CECR2: variants seen among roughly 807,000 people sequenced by gnomAD.
CECR2 encodes the protein chromatin remodeling regulator CECR2.
CECR2 carries 30 observed loss-of-function variants against 154.5 expected under a neutral mutation model. The ratio of observed to expected loss-of-function variants is 0.19; its 90% confidence interval spans 0.15 to 0.26. The LOEUF is 0.26. Ranked by LOEUF, CECR2 falls within the 10% of genes least tolerant of loss-of-function variation. The pLI is 1.00. For missense variants in CECR2, 1,743 were observed against 1,829.3 expected (o/e 0.95, Z 0.86); for synonymous variants, 725 against 683.7 (o/e 1.06, Z -0.94).
chr22:17,461,464 C>A (rs2054936643), intron 1 of CECR2, among the ~76,000 whole-genome samples: 1 of 152,230 alleles, frequency 6.6e-6, no homozygotes, highest in African/African-American at 2.4e-5. Context: ...CCCACCCCAT[C>A]TGTACTTCCT....
chr22:17,429,475 T>C (rs1474729527), intron 1 of CECR2, among the ~76,000 whole-genome samples: 1 of 147,264 alleles, frequency 6.8e-6, no homozygotes, highest in African/African-American at 2.6e-5. Flanking sequence ...GCCGAGGTAG[T>C]CGGATCGCTT....
rs869050391 is a variant in CECR2 at position 17,482,115 on chromosome 22, CAAAAAAAAAAAAA to C, written c.221+4447_221+4459del. ...GGGTGACAGATCGAGACTCTGTCTCCAAAAAAAAAAAAAAAAAAAAAAAAAAGGGCGTGGCATG... is the reference window on the plus strand; with the variant it reads ...GGGTGACAGATCGAGACTCTGTCTCCAAAAAAAAAAAAAGGGCGTGGCATG... On this transcript the variant is annotated intron_variant, in intron 2 of 18. Transcript: ENST00000262608. 1.9e-3 allele frequency among the ~76,000 whole-genome samples: 143 copies of C among 76,308 alleles called. 2 individuals carry two copies. Among genetic ancestry groups the C allele is most frequent in the Non-Finnish European group, 1.5e-3 (60 of 39,812 alleles). 50.1% of individuals were successfully genotyped at this position (76,308 alleles called of 152,430 possible). A position where few individuals can be genotyped will look rare whatever the true frequency, so the allele number is the denominator to read the frequency against.
intron 1 of CECR2, among the ~76,000 whole-genome samples, chr22:17,377,680 A>T (rs372351383): frequency 4.6e-5 from 7 of 152,306 alleles, no homozygotes; most frequent in African/African-American, 1.7e-4. Context: ...TAACCTTTTC[A>T]GATGGCTGCT....
chr22:17,527,533 G>A lies in CECR2; in HGVS notation c.1108+3262G>A, dbSNP rs140067529. 6.4e-3 allele frequency among the ~76,000 whole-genome samples: 972 copies of A among 152,162 alleles called. 11 individuals are homozygous for A. The highest frequency in any genetic ancestry group is 0.022 in the African/African-American group (927 of 41,510). On this transcript the variant is annotated intron_variant, in intron 9 of 18. Transcript: ENST00000262608. ...TGTAATCCCAGCACTTTGGGAGGCC[G>A]AGGCGGGCAGATGACTTGAGATCAG...
At chr22:17,461,335 A>G (rs1225352264) in intron 1 of CECR2, among the ~76,000 whole-genome samples, 1 of 152,150 alleles carries the variant, frequency 6.6e-6, no homozygotes, top group Non-Finnish European at 1.5e-5. Flanking sequence ...TATTTCCTTT[A>G]TCCTCTTTTA....
chr22:17,516,284 TA>T (rs1241529701), intron 8 of CECR2, among the ~76,000 whole-genome samples: 2 of 150,750 alleles, frequency 1.3e-5, no homozygotes, highest in Middle Eastern at 3.4e-3. Flanking sequence ...TTTATTATAT[TA>T]TATGTGTATA....
Position 17,553,728 on chromosome 22 carries a change from C to T in CECR2, c.*888C>T, listed in dbSNP as rs2056742859. The T allele has an allele frequency of 6.6e-6, 1 of 152,138 alleles. No individual in the cohort carries two copies. The allele number at this position is 152,138 out of a possible 1,614,324, so 9.4% of individuals were successfully genotyped here. On this transcript the variant is annotated 3_prime_UTR_variant, in exon 19 of 19. Coordinates refer to ENST00000262608, the MANE Select transcript of CECR2 (RefSeq NM_001290047.2). ...TGTCCCTTCCTGATTTTGCCACCAGCCCTACCGAATAGTTGTAAACCAGTA... is the reference window on the plus strand; with the variant it reads ...TGTCCCTTCCTGATTTTGCCACCAGTCCTACCGAATAGTTGTAAACCAGTA...
intron 7 of CECR2, among the ~76,000 whole-genome samples, chr22:17,509,786 A>T (rs1374788814): frequency 7.2e-5 from 11 of 152,160 alleles, no homozygotes; most frequent in Admixed American, 6.5e-5. Context: ...TTGATGAGAA[A>T]CCTTGATAGA....
At chr22:17,401,857 T>A (rs900078371) in intron 1 of CECR2, among the ~76,000 whole-genome samples, 8 of 144,852 alleles carry the variant, frequency 5.5e-5, no homozygotes, top group Non-Finnish European at 7.5e-5. Flanking sequence ...GCCTTTTTTT[T>A]AACAGATGGG....
At chr22:17,486,904 G>A (rs1168984626) in intron 2 of CECR2, among the ~76,000 whole-genome samples, 9 of 152,078 alleles carry the variant, frequency 5.9e-5, no homozygotes, top group South Asian at 2.1e-4. Flanking sequence ...CCTCACCAGC[G>A]TTTCATTCCG....
chr22:17,530,996 A>G (rs973456036), intron 9 of CECR2, among the ~76,000 whole-genome samples: 1 of 152,190 alleles, frequency 6.6e-6, no homozygotes, highest in Non-Finnish European at 1.5e-5. Flanking sequence ...ATGGCGCCAC[A>G]ACATTACTTA....
chr22:17,458,868 G>A (rs546322904), intron 1 of CECR2, among the ~76,000 whole-genome samples: 1 of 152,212 alleles, frequency 6.6e-6, no homozygotes, highest in South Asian at 2.1e-4. Context: ...TAGGTACTTA[G>A]TTTTAAAATA....
At chr22:17,387,253 C>G (rs1027775043) in intron 1 of CECR2, among the ~76,000 whole-genome samples, 22 of 152,326 alleles carry the variant, frequency 1.4e-4, no homozygotes, top group African/African-American at 4.3e-4. Flanking sequence ...GGTTATCTGG[C>G]AGCTGTACCT....
intron 16 of CECR2, among the ~76,000 whole-genome samples, chr22:17,546,166 A>G (rs1352824619): frequency 6.6e-6 from 1 of 152,170 alleles, no homozygotes; most frequent in Non-Finnish European, 1.5e-5. Context: ...ATTGATTTCA[A>G]GTGAGTTCTG....
At chr22:17,469,766 GCA>G (rs2055094151) in intron 1 of CECR2, among the ~76,000 whole-genome samples, 3 of 152,184 alleles carry the variant, frequency 2.0e-5, no homozygotes, top group Non-Finnish European at 4.4e-5. Context: ...GCGGTGACCT[GCA>G]TGTTGCTGGA....
intron 2 of CECR2, among the ~76,000 whole-genome samples, chr22:17,488,823 G>T (rs999720689): frequency 1.3e-5 from 2 of 152,100 alleles, no homozygotes; most frequent in African/African-American, 2.4e-5. Context: ...GGAATTGCTG[G>T]CGGGTCACAT....
At chr22:17,374,920 A>T (rs2063099954) in intron 1 of CECR2, among the ~76,000 whole-genome samples, 1 of 151,874 alleles carries the variant, frequency 6.6e-6, no homozygotes, top group Non-Finnish European at 1.5e-5. Flanking sequence ...GCCTGTTTCT[A>T]CCACATCGCA....
At chr22:17,381,680 A>G (rs1482026409) in intron 1 of CECR2, among the ~76,000 whole-genome samples, 2 of 152,062 alleles carry the variant, frequency 1.3e-5, no homozygotes, top group African/African-American at 2.4e-5. Context: ...GCCCTGGGGG[A>G]ATTTGTCTGT....
At chr22:17,401,828 A>ACCCCCCCCC (rs34211703) in intron 1 of CECR2, among the ~76,000 whole-genome samples, 20 of 114,146 alleles carry the variant, frequency 1.8e-4, no homozygotes, top group South Asian at 3.2e-4. Flanking sequence ...AATATTTAAC[A>ACCCCCCCCC]CCCCCCCCCG....
Sources: allele counts gnomAD v4.1 joint callset (sites outside exome capture counted in the v4.1 genomes callset), GRCh38; gene constraint gnomAD v4.1.1; transcripts MANE v1.5; gene names NCBI Gene and HGNC (gene_info 2026-07-23, HGNC 2026-07-21).